The following SMURF2 variants were observed in gnomAD, a reference collection of about 807,000 sequenced individuals.
SMURF2 encodes the protein E3 ubiquitin-protein ligase SMURF2.
In SMURF2, 48 loss-of-function variants were observed where a neutral mutation model predicts 109.6. The observed-to-expected ratio is 0.44, with a 90% CI of 0.35 to 0.56. The LOEUF (loss-of-function observed/expected upper bound fraction) is 0.56, where lower values mean the gene tolerates loss of function less well. Ranked by LOEUF, SMURF2 falls within the 20% of genes least tolerant of loss-of-function variation. SMURF2 has a pLI of 0.01. For missense variants in SMURF2, 575 were observed against 909.0 expected (o/e 0.63, Z 4.72); for synonymous variants, 288 against 317.1 (o/e 0.91, Z 0.97).
At chr17:64,608,810 C>T (rs562112757) in intron 1 of SMURF2, among the ~76,000 whole-genome samples, 7 of 152,220 alleles carry the variant, frequency 4.6e-5, no homozygotes, top group East Asian at 3.9e-4. Flanking sequence ...ACCATGTTCT[C>T]GGGGATCTTC....
chr17:64,594,426 C>G (rs1394423361), intron 3 of SMURF2, among the ~76,000 whole-genome samples: 1 of 152,056 alleles, frequency 6.6e-6, no homozygotes, highest in African/African-American at 2.4e-5. Context: ...ACTTGAGCCC[C>G]GGGATCCAGC....
chr17:64,590,962 TG>T, intron 5 of SMURF2, 121 bp downstream of exon 5: 1 of 563,894 alleles, frequency 1.8e-6, no homozygotes, highest in Non-Finnish European at 3.0e-6. Context: ...ACATTTTACC[TG>T]GCTCATTTAA....
intron 4 of SMURF2, chr17:64,593,002 T>C (rs2144655607): frequency 6.6e-6 from 1 of 152,282 alleles, no homozygotes; most frequent in East Asian, 1.9e-4. Flanking sequence ...CCAGCTTAAA[T>C]ACTCCAATCA....
intron 11 of SMURF2, among the ~76,000 whole-genome samples, chr17:64,562,262 C>T (rs1969230220): frequency 8.5e-6 from 1 of 117,756 alleles, no homozygotes; most frequent in Non-Finnish European, 1.6e-5. Flanking sequence ...CACTGCACTC[C>T]AGCCTGGCGA....
intron 16 of SMURF2, 33 bp downstream of exon 16, chr17:64,551,551 A>G (rs781918382): frequency 2.5e-6 from 4 of 1,599,892 alleles, no homozygotes; most frequent in Non-Finnish European, 3.4e-6. Flanking sequence ...CTTCCTTGTT[A>G]CACTAGTGAT....
Position 64,557,747 on chromosome 17 carries a change from A to C in SMURF2, c.1317-25T>G, listed in dbSNP as rs782044680. ...CCTAGAAAACAAGATATGACCAAGG[A>C]ATTTTTTTGTTAATGTATACATTTT... On this transcript the variant is annotated intron_variant, in intron 12 of 18. Coordinates refer to ENST00000262435, the MANE Select transcript of SMURF2 (RefSeq NM_022739.4). 5.1e-6 allele frequency: 7 copies of C among 1,382,786 alleles called. No individual in the cohort carries two copies. The South Asian group carries it at 8.7e-5, about 17-fold the overall frequency. The allele number at this position is 1,382,786 out of a possible 1,614,324, so 85.7% of individuals were successfully genotyped here. A position where few individuals can be genotyped will look rare whatever the true frequency, so the allele number is the denominator to read the frequency against.
At chr17:64,603,169 A>G (rs1969921427) in intron 2 of SMURF2, among the ~76,000 whole-genome samples, 2 of 151,978 alleles carry the variant, frequency 1.3e-5, no homozygotes, top group Admixed American at 1.3e-4. Context: ...GTTTTAAATG[A>G]CTTCAATTTG....
Position 64,543,931 on chromosome 17 carries a change from AC to A in SMURF2, c.*1916del, listed in dbSNP as rs1968910314. 1 of 152,210 alleles carries A rather than the reference AC, an allele frequency of 6.6e-6. No homozygotes were observed. Among genetic ancestry groups the A allele is most frequent in the African/African-American group, 2.4e-5 (1 of 41,446 alleles). 9.4% of individuals were successfully genotyped at this position (152,210 alleles called of 1,614,324 possible). A position where few individuals can be genotyped will look rare whatever the true frequency, so the allele number is the denominator to read the frequency against. Reference sequence around the variant, plus strand: ...GTACTCAGAATGCAATGTAAAAAAAACAAATTGTTTGAGAGGAAAAAGGTAG... The same window carrying A: ...GTACTCAGAATGCAATGTAAAAAAAAAAATTGTTTGAGAGGAAAAAGGTAG... On this transcript the variant is annotated 3_prime_UTR_variant, in exon 19 of 19. Coordinates refer to ENST00000262435, the MANE Select transcript of SMURF2 (RefSeq NM_022739.4).
At chr17:64,606,514 T>A (rs782278855) in intron 2 of SMURF2, 88 bp downstream of exon 2, 7 of 941,466 alleles carry the variant, frequency 7.4e-6, no homozygotes, top group Middle Eastern at 2.1e-4. Context: ...TACTTCTGAA[T>A]AGAGAAACCC....
At position 64,587,480 on chromosome 17, in the gene SMURF2, C is replaced by T. The variant is rs1236376883; in HGVS notation, c.401-1310G>A. ...TTATATCTCTGAAGTCCTTCTTTGC[C>T]ACTCCAGTATTGTTTAATTCTAGTT... On this transcript the variant is annotated intron_variant, in intron 5 of 18. Coordinates refer to ENST00000262435, the MANE Select transcript of SMURF2 (RefSeq NM_022739.4). Among the ~76,000 whole-genome samples the T allele has an allele frequency of 1.3e-5, 2 of 152,154 alleles. 1 individual carries two copies. Among genetic ancestry groups the T allele is most frequent in the East Asian group, 3.8e-4 (2 of 5,198 alleles).
chr17:64,570,499 C>G (rs1440871955), intron 10 of SMURF2, among the ~76,000 whole-genome samples: 1 of 152,128 alleles, frequency 6.6e-6, no homozygotes, highest in African/African-American at 2.4e-5. Context: ...TCCTCCTGCC[C>G]CCATTCTTCA....
At chr17:64,618,091 T>C (rs989819195) in intron 1 of SMURF2, among the ~76,000 whole-genome samples, 4 of 152,174 alleles carry the variant, frequency 2.6e-5, no homozygotes, top group Non-Finnish European at 5.9e-5. Context: ...AAGTAAAGCT[T>C]ATCTTAACAA....
At chr17:64,640,716 C>T (rs770291932) in intron 1 of SMURF2, among the ~76,000 whole-genome samples, 13 of 152,042 alleles carry the variant, frequency 8.6e-5, no homozygotes, top group Non-Finnish European at 1.2e-4. Context: ...GTCAGGAGAC[C>T]AAGACCATCC....
chr17:64,648,164 T>A (rs1970587165), intron 1 of SMURF2, among the ~76,000 whole-genome samples: 1 of 139,908 alleles, frequency 7.1e-6, no homozygotes, highest in East Asian at 2.1e-4. Context: ...TAAAAAAAAA[T>A]GTTAAATTAT....
intron 13 of SMURF2, among the ~76,000 whole-genome samples, chr17:64,556,492 C>A (rs1388594185): frequency 6.6e-6 from 1 of 152,060 alleles, no homozygotes; most frequent in African/African-American, 2.4e-5. Context: ...ACAAATTAAC[C>A]CCCGTAAGAC....
rs979120354 is a variant in SMURF2, at chr17:64,545,661, T to C, written c.*187A>G. On this transcript the variant is annotated 3_prime_UTR_variant, in exon 19 of 19. Transcript: ENST00000262435. The stretch of plus-strand genomic sequence containing the variant: ...CATGGCAAAGCATAAAGACCTTTTT[T>C]TTCCTTGAAAAGGAATTTCAAAATT... The C allele has an allele frequency of 2.0e-5, 9 of 455,220 alleles. No individual in the cohort carries two copies. The Admixed American group carries it at 3.3e-4, about 17-fold the overall frequency. The allele number at this position is 455,220 out of a possible 1,614,324, so 28.2% of individuals were successfully genotyped here.
Position 64,662,272 on chromosome 17 carries a change from G to A in SMURF2, c.-392C>T, listed in dbSNP as rs548478857. On this transcript the variant is annotated 5_prime_UTR_variant, in exon 1 of 19. Coordinates refer to ENST00000262435, the MANE Select transcript of SMURF2 (RefSeq NM_022739.4). The stretch of plus-strand genomic sequence containing the variant: ...CGGGGGCGCCGGAGCAGAACTCTGG[G>A]CTCGGCCGCTTCCTCCTCCACCCGC... 1.0e-6 allele frequency: 1 copy of A among 983,086 alleles called. No homozygotes were observed. The highest frequency in any genetic ancestry group is 1.2e-6 in the Non-Finnish European group (1 of 829,008). 60.9% of individuals were successfully genotyped at this position (983,086 alleles called of 1,614,324 possible). A position where few individuals can be genotyped will look rare whatever the true frequency, so the allele number is the denominator to read the frequency against.
In SMURF2 at chr17:64,545,123, T is replaced by C. The variant is rs1247749583; in HGVS notation, c.*725A>G. ...ACAGGGAGCCCCTGAACACATCTTA[T>C]TGTCACAAATAAATGACTAAGTTTA... On this transcript the variant is annotated 3_prime_UTR_variant, in exon 19 of 19. Coordinates refer to ENST00000262435, the MANE Select transcript of SMURF2 (RefSeq NM_022739.4). 3 of 152,480 alleles carry C rather than the reference T, an allele frequency of 2.0e-5. No individual in the cohort carries two copies. The highest frequency in any genetic ancestry group is 1.3e-4 in the Admixed American group (2 of 15,280). The allele number at this position is 152,480 out of a possible 1,614,324, so 9.4% of individuals were successfully genotyped here.
At chr17:64,654,943 C>T (rs779760775) in intron 1 of SMURF2, among the ~76,000 whole-genome samples, 2 of 151,926 alleles carry the variant, frequency 1.3e-5, no homozygotes, top group African/African-American at 2.4e-5. Context: ...TCCCAAAGTG[C>T]TGGGATAACA....
Sources: allele counts gnomAD v4.1 joint callset (sites outside exome capture counted in the v4.1 genomes callset), GRCh38; gene constraint gnomAD v4.1.1; transcripts MANE v1.5; gene names NCBI Gene and HGNC (gene_info 2026-07-23, HGNC 2026-07-21).